ASPH: variants seen among roughly 807,000 people sequenced by gnomAD.
ASPH encodes the protein aspartyl/asparaginyl beta-hydroxylase.
In ASPH, 100 loss-of-function variants were observed where a neutral mutation model predicts 118.4. That is an observed-to-expected ratio of 0.84 (90% CI 0.72 to 1.00). The LOEUF (loss-of-function observed/expected upper bound fraction) is 1.00. Among genes scored for constraint, ASPH ranks in the 50% least tolerant of loss-of-function variants. The pLI is 0.00. For missense variants in ASPH, 920 were observed against 919.5 expected (o/e 1.00, Z -0.01); for synonymous variants, 315 against 325.6 (o/e 0.97, Z 0.35).
At chr8:61,639,837 G>C (rs1195388283) in intron 10 of ASPH, among the ~76,000 whole-genome samples, 1 of 152,110 alleles carries the variant, frequency 6.6e-6, no homozygotes, top group Non-Finnish European at 1.5e-5. Context: ...CTTGACTCCA[G>C]TCTCTCCCAC....
In ASPH at chr8:61,584,229, C is replaced by A. The variant is rs141570054; in HGVS notation, c.977-200G>T. The stretch of plus-strand genomic sequence containing the variant: ...GTGACTGCCAAGGAAGGCAATGCAG[C>A]CCTTACCTATCTGCTACAATGTGTT... On this transcript the variant is annotated intron_variant, in intron 14 of 24. Coordinates refer to ENST00000379454, the MANE Select transcript of ASPH (RefSeq NM_004318.4). Among the ~76,000 whole-genome samples the A allele has an allele frequency of 2.7e-4, 41 of 152,218 alleles. No individual in the cohort carries two copies. The East Asian group carries it at 7.7e-3, about 29-fold the overall frequency.
At chr8:61,644,677 T>C in intron 6 of ASPH, 45 bp from the exon 7 acceptor site, 1 of 1,486,124 alleles carries the variant, frequency 6.7e-7, no homozygotes, top group Non-Finnish European at 9.2e-7. Context: ...TTTTACAAAA[T>C]GGTATGTATA....
At chr8:61,655,024 G>A (rs536782294) in intron 3 of ASPH, among the ~76,000 whole-genome samples, 20 of 152,278 alleles carry the variant, frequency 1.3e-4, no homozygotes, top group African/African-American at 4.8e-4. Context: ...AATGGAACAG[G>A]TATGGAATGA....
chr8:61,588,633 C>A (rs1356765954), intron 14 of ASPH, among the ~76,000 whole-genome samples: 1 of 152,186 alleles, frequency 6.6e-6, no homozygotes, highest in African/African-American at 2.4e-5. Context: ...CTACCTTGTT[C>A]TCAGGTTATT....
intron 14 of ASPH, among the ~76,000 whole-genome samples, chr8:61,613,301 C>T (rs1478037371): frequency 6.6e-6 from 1 of 152,216 alleles, no homozygotes; most frequent in Non-Finnish European, 1.5e-5. Flanking sequence ...AGTAATTCTG[C>T]CTCCAGACTC....
intron 1 of ASPH, among the ~76,000 whole-genome samples, chr8:61,696,732 CA>C (rs756854358): frequency 7.9e-5 from 12 of 151,788 alleles, no homozygotes; most frequent in Non-Finnish European, 1.6e-4. Flanking sequence ...GCATGGTGTT[CA>C]AAATAAGACA....
intron 3 of ASPH, among the ~76,000 whole-genome samples, chr8:61,673,461 C>CCAGAA (rs1823629535): frequency 6.6e-6 from 1 of 152,166 alleles, no homozygotes; most frequent in African/African-American, 2.4e-5. Flanking sequence ...TCCGAATAAG[C>CCAGAA]CAGAACAGTG....
intron 18 of ASPH, among the ~76,000 whole-genome samples, chr8:61,562,144 T>C (rs1005812597): frequency 3.9e-5 from 6 of 152,162 alleles, no homozygotes; most frequent in Admixed American, 2.6e-4. Flanking sequence ...ACCAAATGAA[T>C]TCCTCCACTG....
chr8:61,550,932 G>C (rs1825776026), intron 20 of ASPH, among the ~76,000 whole-genome samples: 1 of 152,164 alleles, frequency 6.6e-6, no homozygotes, highest in African/African-American at 2.4e-5. Context: ...GGAGGAGAGG[G>C]AGGAGCTCAA....
chr8:61,564,496 A>AC lies in ASPH; in HGVS notation c.1301-1617dup. Among the ~76,000 whole-genome samples, 3 of 152,162 alleles carry AC rather than the reference A, an allele frequency of 2.0e-5. No individual in the cohort carries two copies. The South Asian group carries it at 6.2e-4, about 32-fold the overall frequency. Reference sequence around the variant, plus strand: ...GTATTTTCAGTAGAGACCAGGTTTCACCATGTTGGCCAGGCAGGTCTGGAA... The same window carrying AC: ...GTATTTTCAGTAGAGACCAGGTTTCACCCATGTTGGCCAGGCAGGTCTGGAA... On this transcript the variant is annotated intron_variant, in intron 17 of 24. Transcript: ENST00000379454.
chr8:61,522,030 T>C (rs539612745), intron 22 of ASPH, among the ~76,000 whole-genome samples: 1 of 152,268 alleles, frequency 6.6e-6, no homozygotes, highest in South Asian at 2.1e-4. Flanking sequence ...CCATGGGCTC[T>C]GGAAGAAAAA....
intron 14 of ASPH, among the ~76,000 whole-genome samples, chr8:61,586,577 CG>C (rs1294566461): frequency 6.6e-6 from 1 of 152,124 alleles, no homozygotes; most frequent in Non-Finnish European, 1.5e-5. Flanking sequence ...GCCAGTCGCC[CG>C]GCCACACACT....
intron 10 of ASPH, 24 bp from the exon 11 acceptor site, chr8:61,638,387 A>C (rs200566044): frequency 1.0e-5 from 16 of 1,530,656 alleles, no homozygotes; most frequent in Non-Finnish European, 1.4e-5. Flanking sequence ...AACAGAAACA[A>C]AATCCCGTAA....
At chr8:61,603,331 A>G (rs536248099) in intron 14 of ASPH, among the ~76,000 whole-genome samples, 2 of 152,128 alleles carry the variant, frequency 1.3e-5, no homozygotes, top group African/African-American at 4.8e-5. Flanking sequence ...TGTTAATTTG[A>G]AATGGGACCT....
At chr8:61,528,401 T>C (rs984752924) in intron 21 of ASPH, among the ~76,000 whole-genome samples, 5 of 152,224 alleles carry the variant, frequency 3.3e-5, no homozygotes, top group African/African-American at 1.2e-4. Flanking sequence ...TTTAAGTTGC[T>C]AGATAAATCT....
At chr8:61,671,550 A>T (rs1822542249) in intron 3 of ASPH, among the ~76,000 whole-genome samples, 1 of 152,204 alleles carries the variant, frequency 6.6e-6, no homozygotes. Flanking sequence ...CAGCATTAGG[A>T]TGTGCTTAAA....
At chr8:61,619,500 A>T (rs1052005793) in intron 13 of ASPH, among the ~76,000 whole-genome samples, 6 of 152,228 alleles carry the variant, frequency 3.9e-5, no homozygotes, top group Non-Finnish European at 8.8e-5. Flanking sequence ...CTTCACATAT[A>T]CACAGATGAT....
intron 4 of ASPH, among the ~76,000 whole-genome samples, chr8:61,652,651 T>C (rs1221288538): frequency 1.3e-5 from 2 of 151,664 alleles, no homozygotes; most frequent in Admixed American, 1.3e-4. Flanking sequence ...TCAAGAGGGG[T>C]TTTATTTTAG....
At chr8:61,622,273 G>T (rs1302785558) in intron 13 of ASPH, among the ~76,000 whole-genome samples, 1 of 152,200 alleles carries the variant, frequency 6.6e-6, no homozygotes, top group Non-Finnish European at 1.5e-5. Flanking sequence ...GGGAGGCAGA[G>T]CTTATAGTGA....
Sources: gnomAD v4.1 joint callset for allele counts (sites outside exome capture counted in the v4.1 genomes callset) on GRCh38, gnomAD v4.1.1 for gene constraint, MANE v1.5 for transcripts, NCBI Gene and HGNC (gene_info 2026-07-23, HGNC 2026-07-21) for gene names.